Variants in ZFHX3 observed in about 807,000 individuals in gnomAD.
ZFHX3 encodes zinc finger homeobox 3.
ZFHX3 carries 42 observed loss-of-function variants against 279.1 expected under a neutral mutation model. The observed-to-expected ratio is 0.15, with a 90% CI of 0.12 to 0.19. The LOEUF is 0.19. Ranked by LOEUF, ZFHX3 falls within the 10% of genes least tolerant of loss-of-function variation. ZFHX3 has a pLI of 1.00. For synonymous variants in ZFHX3, 2,293 were observed against 1,957.8 expected, an observed-to-expected ratio of 1.17 and a Z score of -4.52; for missense variants, 4,981 against 4,754.0, an observed-to-expected ratio of 1.05 and a Z score of -1.40.
intron 5 of ZFHX3, among the ~76,000 whole-genome samples, chr16:73,199,525 G>C (rs1787676324): frequency 6.6e-6 from 1 of 152,118 alleles, no homozygotes; most frequent in African/African-American, 2.4e-5. Context: ...CCCACCCATT[G>C]CTCTCTTGGC....
chr16:72,788,460 G>T lies in ZFHX3; in HGVS notation c.9816C>A (p.Ile3272=). ...GEAPTATAAT[I]SAPLPTMEYA... Reference sequence around the variant, plus strand: ...ACTCCATGGTGGGCAGCGGGGCTGAGATCGTGGCTGCAGTTGCCGTGGGGG... The same window carrying T: ...ACTCCATGGTGGGCAGCGGGGCTGATATCGTGGCTGCAGTTGCCGTGGGGG... The change falls in exon 10 of 10, where the codon ATC becomes ATA. Residue 3272 remains isoleucine (I), a synonymous_variant. Coordinates refer to ENST00000268489, the MANE Select transcript of ZFHX3 (RefSeq NM_006885.4). The T allele has an allele frequency of 1.2e-6, 2 of 1,614,234 alleles. No individual in the cohort carries two copies. The highest frequency in any genetic ancestry group is 1.7e-6 in the Non-Finnish European group (2 of 1,180,026).
At chr16:73,812,452 A>G (rs529960189) in intron 1 of ZFHX3, among the ~76,000 whole-genome samples, 2 of 152,274 alleles carry the variant, frequency 1.3e-5, no homozygotes, top group South Asian at 4.1e-4. Flanking sequence ...AAGTCTTGCA[A>G]ACTGACTGCA....
intron 2 of ZFHX3, among the ~76,000 whole-genome samples, chr16:73,623,182 G>A (rs1180552708): frequency 6.6e-6 from 1 of 151,938 alleles, no homozygotes; most frequent in African/African-American, 2.4e-5. Flanking sequence ...GACTACAGGC[G>A]CCCGCCACCG....
At chr16:73,021,830 C>CAAAAAA (rs60811631) in intron 1 of ZFHX3, among the ~76,000 whole-genome samples, 2 of 71,820 alleles carry the variant, frequency 2.8e-5, no homozygotes, top group Non-Finnish European at 2.7e-5. Flanking sequence ...GACTCCATCT[C>CAAAAAA]AAAAAAAAAA....
chr16:73,533,208 C>T (rs111279868), intron 2 of ZFHX3, among the ~76,000 whole-genome samples: 6 of 152,034 alleles, frequency 3.9e-5, no homozygotes, highest in African/African-American at 1.2e-4. Flanking sequence ...TCCCCATCCT[C>T]ACTTTTTGCG....
chr16:73,292,851 AGG>A (rs1171360384), intron 4 of ZFHX3, among the ~76,000 whole-genome samples: 2 of 152,160 alleles, frequency 1.3e-5, no homozygotes, highest in African/African-American at 4.8e-5. Flanking sequence ...TAAAGCTAGG[AGG>A]TATTCCTCGG....
chr16:73,295,029 A>C (rs8046899), intron 4 of ZFHX3, among the ~76,000 whole-genome samples: 22,626 of 151,912 alleles, frequency 0.15, 2,121 homozygotes, highest in African/African-American at 0.26. Flanking sequence ...CTGGCTAACA[A>C]GGTGAAACCA....
chr16:73,268,408 C>T (rs1473382362), intron 4 of ZFHX3, among the ~76,000 whole-genome samples: 1 of 152,170 alleles, frequency 6.6e-6, no homozygotes, highest in Non-Finnish European at 1.5e-5. Context: ...TGCCCAGTTA[C>T]CCAGCGAGAG....
intron 5 of ZFHX3, among the ~76,000 whole-genome samples, chr16:72,823,135 G>A (rs2036841634): frequency 6.6e-6 from 1 of 152,160 alleles, no homozygotes; most frequent in South Asian, 2.1e-4. Context: ...TCTGGAAAAG[G>A]TGACACAGTC....
intron 2 of ZFHX3, among the ~76,000 whole-genome samples, chr16:73,568,836 G>A (rs1399390978): frequency 6.6e-6 from 1 of 151,910 alleles, no homozygotes; most frequent in Non-Finnish European, 1.5e-5. Flanking sequence ...GTAAATTATC[G>A]TCTCCATTCT....
chr16:73,891,021 T>TC (rs138449323), intron 1 of ZFHX3, among the ~76,000 whole-genome samples: 8,248 of 52,172 alleles, frequency 0.16, 753 homozygotes, highest in African/African-American at 0.36. Context: ...ACCTCGCCGC[T>TC]CCCCCCCTCC....
intron 1 of ZFHX3, among the ~76,000 whole-genome samples, chr16:73,793,492 A>G (rs998095086): frequency 3.3e-5 from 5 of 152,250 alleles, no homozygotes; most frequent in African/African-American, 1.2e-4. Context: ...ATCTCCAACG[A>G]AAATATGCTC....
At chr16:73,469,908 G>T (rs1337039523) in intron 2 of ZFHX3, among the ~76,000 whole-genome samples, 1 of 152,178 alleles carries the variant, frequency 6.6e-6, no homozygotes, top group African/African-American at 2.4e-5. Flanking sequence ...AAGCCACTGT[G>T]CCCAGCCTCA....
chr16:73,618,691 G>C (rs1027784896), intron 2 of ZFHX3, among the ~76,000 whole-genome samples: 4 of 152,226 alleles, frequency 2.6e-5, no homozygotes, highest in Non-Finnish European at 5.9e-5. Flanking sequence ...AAACAGATTT[G>C]AACTTTGAAA....
At chr16:72,816,591 G>A (rs986935118) in intron 5 of ZFHX3, among the ~76,000 whole-genome samples, 8 of 152,136 alleles carry the variant, frequency 5.3e-5, no homozygotes, top group East Asian at 1.9e-4. Context: ...TACCCAACGC[G>A]TGCTGATGAG....
intron 1 of ZFHX3, among the ~76,000 whole-genome samples, chr16:73,010,137 C>T (rs1424224791): frequency 1.3e-5 from 2 of 152,120 alleles, no homozygotes; most frequent in Non-Finnish European, 2.9e-5. Context: ...GCTCCCACCA[C>T]AGAGCAAGGC....
At chr16:73,409,291 C>A (rs1398376732) in intron 3 of ZFHX3, among the ~76,000 whole-genome samples, 1 of 152,192 alleles carries the variant, frequency 6.6e-6, no homozygotes, top group African/African-American at 2.4e-5. Context: ...CTGGCTGAGT[C>A]CTCAACCCTG....
At chr16:73,234,269 G>GTT (rs1217944279) in intron 5 of ZFHX3, among the ~76,000 whole-genome samples, 1 of 152,176 alleles carries the variant, frequency 6.6e-6, no homozygotes, top group East Asian at 1.9e-4. Context: ...TGATCTGAAT[G>GTT]TTAAATGCAG....
chr16:73,550,777 G>A (rs1263015014), intron 2 of ZFHX3, among the ~76,000 whole-genome samples: 1 of 152,198 alleles, frequency 6.6e-6, no homozygotes, highest in South Asian at 2.1e-4. Flanking sequence ...GGGAAGTAGA[G>A]AAGAATTCAA....
Sources: gnomAD v4.1 joint callset for allele counts (sites outside exome capture counted in the v4.1 genomes callset) on GRCh38, gnomAD v4.1.1 for gene constraint, MANE v1.5 for transcripts, NCBI Gene and HGNC (gene_info 2026-07-23, HGNC 2026-07-21) for gene names.